Variants in CEP112 observed in about 807,000 individuals in gnomAD.
The protein encoded by CEP112 is centrosomal protein of 112 kDa.
In CEP112, 127 loss-of-function variants were observed where a neutral mutation model predicts 153.0. The ratio of observed to expected loss-of-function variants is 0.83; its 90% CI spans 0.72 to 0.96. The LOEUF (loss-of-function observed/expected upper bound fraction) is 0.96. CEP112 is among the 40% of genes least tolerant of loss of function. The pLI, the probability that CEP112 is intolerant of heterozygous loss-of-function variation, is 0.00. For synonymous variants in CEP112, 358 were observed against 374.4 expected (o/e 0.96, Z 0.51); for missense variants, 1,089 against 1,101.2 (o/e 0.99, Z 0.16).
Position 65,915,807 on chromosome 17 carries a change from A to G in CEP112, c.1980+11775T>C, listed in dbSNP as rs547418404. Reference sequence around the variant, plus strand: ...AAACTCAAAAAAAAAAAAAAAAAAAAAGAGAAAAGCAAACCAGATCTTGCT... The same window carrying G: ...AAACTCAAAAAAAAAAAAAAAAAAAGAGAGAAAAGCAAACCAGATCTTGCT... On this transcript the variant is annotated intron_variant, in intron 19 of 26. Transcript: ENST00000535342. Among the ~76,000 whole-genome samples the G allele has an allele frequency of 8.3e-4, 126 of 151,382 alleles. 2 individuals are homozygous for G. The South Asian group carries it at 8.6e-3, about 10-fold the overall frequency.
chr17:65,647,742 C>T (rs1160434746), intron 24 of CEP112, among the ~76,000 whole-genome samples: 1 of 151,882 alleles, frequency 6.6e-6, no homozygotes, highest in Non-Finnish European at 1.5e-5. Flanking sequence ...CTCGGCCTCC[C>T]AAAGTGCTAA....
rs761806953 is a variant in CEP112 at position 66,176,935 on chromosome 17, G to C, written c.192C>G (p.Asn64Lys). Residue 64 changes from asparagine (N) to lysine (K), a missense_variant, in exon 3 of 27, where the codon AAC (asparagine) becomes AAG (lysine). Coordinates refer to ENST00000535342, the MANE Select transcript of CEP112 (RefSeq NM_001199165.4). ...TATGCAATAACAATTTTGCATACAG[G>C]TTCCGATTCTTCCTCCCCATTATTC... The part of the protein sequence containing the change: ...GAGIMGRKNR[N>K]LYAKLLLHML... The C allele has an allele frequency of 1.2e-6, 2 of 1,613,874 alleles. No individual in the cohort carries two copies. Among genetic ancestry groups the C allele is most frequent in the Non-Finnish European group, 1.7e-6 (2 of 1,179,880 alleles).
At chr17:65,692,173 T>TTAAC (rs1230347734) in intron 23 of CEP112, among the ~76,000 whole-genome samples, 1 of 152,178 alleles carries the variant, frequency 6.6e-6, no homozygotes, top group Non-Finnish European at 1.5e-5. Flanking sequence ...CTCCATGCAG[T>TTAAC]TAACTACCTT....
chr17:66,028,717 C>A (rs2065331648), intron 14 of CEP112, among the ~76,000 whole-genome samples: 1 of 151,654 alleles, frequency 6.6e-6, no homozygotes. Context: ...GTAACACTGA[C>A]ATAAAAATAA....
chr17:65,825,382 C>T (rs954206451), intron 21 of CEP112, among the ~76,000 whole-genome samples: 1 of 152,100 alleles, frequency 6.6e-6, no homozygotes, highest in Non-Finnish European at 1.5e-5. Flanking sequence ...CTCAGATCAT[C>T]AGGAAGTAGC....
At chr17:65,805,337 G>C (rs2055536592) in intron 21 of CEP112, among the ~76,000 whole-genome samples, 1 of 152,180 alleles carries the variant, frequency 6.6e-6, no homozygotes, top group Non-Finnish European at 1.5e-5. Context: ...CATGCTACTT[G>C]TTGTATAAAC....
At chr17:65,644,480 G>T (rs1243068878) in intron 24 of CEP112, 8 of 358,398 alleles carry the variant, frequency 2.2e-5, no homozygotes, top group South Asian at 2.1e-4. Context: ...CGTGAAACTG[G>T]ATGGCAGCCA....
chr17:65,801,120 C>A (rs543919126), intron 21 of CEP112, among the ~76,000 whole-genome samples: 32 of 152,152 alleles, frequency 2.1e-4, no homozygotes, highest in Non-Finnish European at 4.1e-4. Context: ...GGCTGTAGTG[C>A]GCTGGTGCAC....
chr17:65,917,231 C>G (rs538529856), intron 19 of CEP112, among the ~76,000 whole-genome samples: 1 of 152,184 alleles, frequency 6.6e-6, no homozygotes, highest in South Asian at 2.1e-4. Context: ...CCACTGAGGA[C>G]CACAGGGGCT....
intron 17 of CEP112, among the ~76,000 whole-genome samples, chr17:65,963,757 C>T (rs1207522287): frequency 6.6e-6 from 1 of 151,938 alleles, no homozygotes; most frequent in Non-Finnish European, 1.5e-5. Context: ...GATCCGCAAA[C>T]AGGCACATTT....
chr17:65,689,135 C>T lies in CEP112; in HGVS notation c.2691G>A (p.Gln897=), dbSNP rs2047967116. ...ATAGTAAAGGAGAGGGTACCTGTTC[C>T]TGTGACTCCAATTCTTTGTGTTGTA... is the stretch of plus-strand genomic sequence containing the variant. ...KKLQHKELES[Q]EQITYIRQEY... The change falls in exon 24 of 27, where the codon CAG becomes CAA. Residue 897 remains glutamine (Q), a synonymous_variant. Transcript: ENST00000535342. 1 of 1,607,554 alleles carries T rather than the reference C, an allele frequency of 6.2e-7. No individual in the cohort carries two copies.
chr17:65,710,886 T>C (rs2144710313), intron 23 of CEP112, among the ~76,000 whole-genome samples: 1 of 152,370 alleles, frequency 6.6e-6, no homozygotes, highest in East Asian at 1.9e-4. Context: ...AGTGGCAACC[T>C]TCATTAAAAA....
chr17:65,919,747 C>A (rs560507819), intron 19 of CEP112, among the ~76,000 whole-genome samples: 2 of 152,296 alleles, frequency 1.3e-5, no homozygotes, highest in African/African-American at 4.8e-5. Context: ...AACCCACTCA[C>A]ACTGGAAACT....
intron 11 of CEP112, among the ~76,000 whole-genome samples, chr17:66,062,189 T>G (rs1056482351): frequency 1.3e-5 from 2 of 151,378 alleles, no homozygotes; most frequent in Non-Finnish European, 2.9e-5. Context: ...AGGCAGTTCT[T>G]TATAACAGTA....
intron 21 of CEP112, among the ~76,000 whole-genome samples, chr17:65,762,792 T>C (rs909865257): frequency 6.6e-6 from 1 of 152,028 alleles, no homozygotes. Flanking sequence ...TAAGTATATA[T>C]GTCTGTATAA....
At chr17:66,124,497 C>G (rs1332977170) in intron 6 of CEP112, among the ~76,000 whole-genome samples, 1 of 152,128 alleles carries the variant, frequency 6.6e-6, no homozygotes, top group East Asian at 1.9e-4. Flanking sequence ...CAGATGGGCG[C>G]TAACTGCTGC....
chr17:65,823,601 A>T (rs1568071310), intron 21 of CEP112, among the ~76,000 whole-genome samples: 1 of 152,198 alleles, frequency 6.6e-6, no homozygotes, highest in Admixed American at 6.5e-5. Context: ...AGTCAGGCAA[A>T]GATTTTTTAT....
Position 65,640,959 on chromosome 17 carries a change from A to G in CEP112, c.2799+5T>C. On this transcript the variant is annotated splice_donor_5th_base_variant and intron_variant, in intron 25 of 26. Coordinates refer to ENST00000535342, the MANE Select transcript of CEP112 (RefSeq NM_001199165.4). ...CTTGGAAAATGCCTTGATTCTAGTA[A>G]TTACCTGTGATTTTAGGGAGGAAAT... 1.3e-6 allele frequency: 2 copies of G among 1,509,732 alleles called. No individual in the cohort carries two copies. Among genetic ancestry groups the G allele is most frequent in the South Asian group, 1.1e-5 (1 of 88,618 alleles). 93.5% of individuals were successfully genotyped at this position (1,509,732 alleles called of 1,614,324 possible). A position where few individuals can be genotyped will look rare whatever the true frequency, so the allele number is the denominator to read the frequency against.
chr17:65,719,281 A>G (rs974061867), intron 23 of CEP112, among the ~76,000 whole-genome samples: 3 of 152,198 alleles, frequency 2.0e-5, no homozygotes, highest in Non-Finnish European at 4.4e-5. Flanking sequence ...GTGAATAAAG[A>G]ATGGAACATT....
Sources: gnomAD v4.1 joint callset for allele counts (sites outside exome capture counted in the v4.1 genomes callset) on GRCh38, gnomAD v4.1.1 for gene constraint, MANE v1.5 for transcripts, NCBI Gene and HGNC (gene_info 2026-07-23, HGNC 2026-07-21) for gene names.